Variants in TACC2 observed in about 807,000 individuals in gnomAD.
The protein encoded by TACC2 is transforming acidic coiled-coil containing protein 2.
TACC2 carries 137 observed loss-of-function variants against 227.3 expected under a neutral mutation model. The ratio of observed to expected loss-of-function variants is 0.60; its 90% confidence interval spans 0.52 to 0.69. TACC2 has a LOEUF of 0.69. Among genes scored for constraint, TACC2 ranks in the 30% least tolerant of loss-of-function variants. TACC2 has a pLI of 0.00. For synonymous variants in TACC2, 1,523 were observed against 1,487.5 expected (o/e 1.02, Z -0.55); for missense variants, 3,470 against 3,694.4 (o/e 0.94, Z 1.57).
intron 11 of TACC2, among the ~76,000 whole-genome samples, chr10:122,224,267 G>C (rs2095578736): frequency 1.3e-5 from 2 of 152,172 alleles, no homozygotes. Flanking sequence ...CCTCACTTCA[G>C]AGGGTGGCCA....
chr10:122,115,812 T>C (rs1006498692), intron 5 of TACC2, among the ~76,000 whole-genome samples: 1 of 152,162 alleles, frequency 6.6e-6, no homozygotes, highest in South Asian at 2.1e-4. Flanking sequence ...CGAAGCGTTC[T>C]TGGATTTACT....
intron 8 of TACC2, among the ~76,000 whole-genome samples, chr10:122,207,278 G>A (rs1368455841): frequency 8.0e-5 from 12 of 150,640 alleles, no homozygotes; most frequent in African/African-American, 2.7e-4. Flanking sequence ...CAGCCTGGGT[G>A]ATGGAATGGG....
At chr10:122,249,221 TG>T (rs1216140605) in intron 21 of TACC2, 65 bp downstream of exon 21, 1 of 1,234,366 alleles carries the variant, frequency 8.1e-7, no homozygotes, top group Non-Finnish European at 1.2e-6. Flanking sequence ...CCAGGCAGGC[TG>T]GGACCTCTGG....
chr10:122,216,944 G>T, intron 11 of TACC2, 116 bp downstream of exon 11: 1 of 1,574,042 alleles, frequency 6.4e-7, no homozygotes, highest in Non-Finnish European at 8.6e-7. Context: ...TCATCATTGT[G>T]AGATCGTCTG....
intron 6 of TACC2, among the ~76,000 whole-genome samples, chr10:122,139,697 T>C (rs1448130125): frequency 6.6e-6 from 1 of 152,158 alleles, no homozygotes; most frequent in Non-Finnish European, 1.5e-5. Flanking sequence ...TCATGTGCAC[T>C]TGGGAATTTC....
intron 7 of TACC2, among the ~76,000 whole-genome samples, chr10:122,156,055 T>C (rs1446338034): frequency 6.6e-6 from 1 of 151,392 alleles, no homozygotes; most frequent in African/African-American, 2.4e-5. Context: ...GCCAGGATGG[T>C]CTTGATCTCC....
intron 8 of TACC2, among the ~76,000 whole-genome samples, chr10:122,206,625 A>T (rs2095119405): frequency 6.6e-6 from 1 of 152,208 alleles, no homozygotes; most frequent in Non-Finnish European, 1.5e-5. Flanking sequence ...TAAACCGCCC[A>T]GTCTGTGGTC....
chr10:122,078,195 C>CAAAAA (rs1175837364), intron 3 of TACC2, among the ~76,000 whole-genome samples: 2 of 37,656 alleles, frequency 5.3e-5, no homozygotes, highest in African/African-American at 2.2e-4. Flanking sequence ...ACTCCATCTC[C>CAAAAA]AAAAAAAAAA....
At chr10:122,204,438 C>T (rs953180210) in intron 8 of TACC2, among the ~76,000 whole-genome samples, 3 of 152,220 alleles carry the variant, frequency 2.0e-5, no homozygotes, top group South Asian at 4.1e-4. Flanking sequence ...GTCGGCAGCC[C>T]ACCAGGGAAG....
rs536132968 is a variant in TACC2, at chr10:121,997,172, G to A, written c.-46+7684G>A. On this transcript the variant is annotated intron_variant, in intron 1 of 22. Transcript: ENST00000369005. ...CAGCTTTTGAGTATGCTTTCAATTG[G>A]GGCACATTTGGTTGCAAGAAACAGA... 1.5e-3 allele frequency among the ~76,000 whole-genome samples: 221 copies of A among 152,234 alleles called. 1 individual carries two copies. Among genetic ancestry groups the A allele is most frequent in the African/African-American group, 4.7e-3 (196 of 41,538 alleles).
chr10:122,237,266 T>G, intron 16 of TACC2, 129 bp from the exon 17 acceptor site: 1 of 917,594 alleles, frequency 1.1e-6, no homozygotes, highest in Non-Finnish European at 1.6e-6. Flanking sequence ...TCTTTGCACT[T>G]TCTCATACTT....
At chr10:122,230,787 C>T (rs2095725574) in intron 16 of TACC2, among the ~76,000 whole-genome samples, 2 of 151,926 alleles carry the variant, frequency 1.3e-5, no homozygotes, top group African/African-American at 4.8e-5. Flanking sequence ...AAAATCATGA[C>T]CTTTGAGGGT....
At chr10:122,135,113 G>A (rs1489478375) in intron 6 of TACC2, among the ~76,000 whole-genome samples, 1 of 152,174 alleles carries the variant, frequency 6.6e-6, no homozygotes, top group East Asian at 1.9e-4. Context: ...GCTCAGAGAC[G>A]TTAACATGCT....
At chr10:122,052,641 C>G (rs574559033) in intron 3 of TACC2, 2 of 148,078 alleles carry the variant, frequency 1.4e-5, no homozygotes, top group African/African-American at 5.0e-5. Flanking sequence ...CGAGATCGTA[C>G]CACTGCGCTC....
At chr10:122,149,118 C>T (rs538831602) in intron 7 of TACC2, among the ~76,000 whole-genome samples, 1 of 152,360 alleles carries the variant, frequency 6.6e-6, no homozygotes, top group African/African-American at 2.4e-5. Flanking sequence ...TGAAAGCCCT[C>T]ACCTCACCAA....
chr10:122,118,230 G>A (rs923341675), intron 5 of TACC2, among the ~76,000 whole-genome samples: 3 of 152,096 alleles, frequency 2.0e-5, no homozygotes, highest in Non-Finnish European at 4.4e-5. Flanking sequence ...GGCTGGGCTG[G>A]TCTTGAACTC....
intron 7 of TACC2, among the ~76,000 whole-genome samples, chr10:122,167,342 G>A (rs2093231684): frequency 6.6e-6 from 1 of 152,230 alleles, no homozygotes; most frequent in Non-Finnish European, 1.5e-5. Flanking sequence ...TGATTGATGA[G>A]ATGGGGGAGG....
In TACC2 at chr10:122,180,590, G is replaced by A. The variant is rs1289414635; in HGVS notation, c.5835-14450G>A. ...CCTGACCTTGTGATCCACCTGCCTC[G>A]GCGTCCCGAAGTGCTGGGATTACAG... On this transcript the variant is annotated intron_variant, in intron 7 of 22. Coordinates refer to ENST00000369005, the MANE Select transcript of TACC2 (RefSeq NM_206862.4). This position sits in a 1 kb window ranked among gnomAD's most constrained non-coding sequence, Gnocchi z 4.5. Among the ~76,000 whole-genome samples, 6 of 151,920 alleles carry A rather than the reference G, an allele frequency of 3.9e-5. No homozygotes were observed. Among genetic ancestry groups the A allele is most frequent in the Non-Finnish European group, 7.4e-5 (5 of 67,956 alleles).
chr10:122,210,511 C>T lies in TACC2; in HGVS notation c.6086C>T (p.Pro2029Leu), dbSNP rs1441037916. 6.2e-7 allele frequency: 1 copy of T among 1,614,144 alleles called. No individual in the cohort carries two copies. Among genetic ancestry groups the T allele is most frequent in the South Asian group, 1.1e-5 (1 of 91,074 alleles). ...SFSAVFDEDK[P>L]IASSGTYNLD... ...TCTGCCGTCTTCGATGAAGACAAGC[C>T]GATAGCCAGCAGTGGGACTTACAAC... Residue 2029 changes from proline to leucine, a missense_variant, in exon 9 of 23, where the codon CCG becomes CTG. Pro to Leu is a moderately conservative substitution (Grantham distance 98). This residue lies in a region of TACC2 where 593 missense variants were observed against 636.6 expected (regional missense o/e 0.93). Coordinates refer to ENST00000369005, the MANE Select transcript of TACC2 (RefSeq NM_206862.4). This position sits in a 1 kb window ranked among gnomAD's most constrained non-coding sequence, Gnocchi z 4.6.
Sources: allele counts gnomAD v4.1 joint callset (sites outside exome capture counted in the v4.1 genomes callset), GRCh38; gene constraint gnomAD v4.1.1; regional missense constraint gnomAD v4.1.1; non-coding constraint Gnocchi (gnomAD v3.1); transcripts MANE v1.5; gene names NCBI Gene and HGNC (gene_info 2026-07-23, HGNC 2026-07-21).